The following TTC28 variants were observed in gnomAD, a reference collection of about 807,000 sequenced individuals.
TTC28 encodes tetratricopeptide repeat protein 28.
In TTC28, 61 loss-of-function variants were observed where a neutral mutation model predicts 198.0. The ratio of observed to expected loss-of-function variants is 0.31; its 90% CI spans 0.25 to 0.38. The LOEUF is 0.38. Among genes scored for constraint, TTC28 ranks in the 10% least tolerant of loss-of-function variants. The probability of loss-of-function intolerance (pLI) is 1.00; values close to 1 mark genes in which losing one functional copy is unlikely to be tolerated. For missense variants in TTC28, 2,678 were observed against 3,164.0 expected, an observed-to-expected ratio of 0.85 and a Z score of 3.69; for synonymous variants, 1,171 against 1,297.8, an observed-to-expected ratio of 0.90 and a Z score of 2.10.
intron 5 of TTC28, among the ~76,000 whole-genome samples, chr22:28,206,996 A>ACATTTCAACAAGTAATT (rs1227993699): frequency 6.6e-6 from 1 of 152,176 alleles, no homozygotes; most frequent in African/African-American, 2.4e-5. Context: ...ATTCATTCCA[A>ACATTTCAACAAGTAATT]CATTTCAACA....
At chr22:28,457,680 T>G (rs1258839347) in intron 2 of TTC28, among the ~76,000 whole-genome samples, 1 of 152,210 alleles carries the variant, frequency 6.6e-6, no homozygotes, top group Non-Finnish European at 1.5e-5. Flanking sequence ...TACCATACTG[T>G]TTTAATTATT....
chr22:28,180,294 TCA>T (rs1923575891), intron 5 of TTC28, among the ~76,000 whole-genome samples: 1 of 152,164 alleles, frequency 6.6e-6, no homozygotes, highest in Non-Finnish European at 1.5e-5. Context: ...TACTCAATAG[TCA>T]CACAAAATTA....
intron 12 of TTC28, among the ~76,000 whole-genome samples, chr22:28,088,587 C>G (rs1448654483): frequency 1.3e-5 from 2 of 151,296 alleles, no homozygotes; most frequent in Non-Finnish European, 1.5e-5. Flanking sequence ...CAATACCATT[C>G]AGGACATAGG....
intron 5 of TTC28, among the ~76,000 whole-genome samples, chr22:28,272,744 C>T (rs1932170567): frequency 6.6e-6 from 1 of 152,142 alleles, no homozygotes; most frequent in South Asian, 2.1e-4. Flanking sequence ...GGGGAACTCA[C>T]AGAAACTTAG....
At chr22:28,551,718 G>T (rs1485917646) in intron 2 of TTC28, among the ~76,000 whole-genome samples, 1 of 152,022 alleles carries the variant, frequency 6.6e-6, no homozygotes, top group African/African-American at 2.4e-5. Flanking sequence ...AGCATAGAAG[G>T]GACATACTTT....
chr22:28,646,266 C>A (rs1175248293), intron 1 of TTC28, among the ~76,000 whole-genome samples: 1 of 152,286 alleles, frequency 6.6e-6, no homozygotes, highest in Non-Finnish European at 1.5e-5. Flanking sequence ...TGGCAACAAT[C>A]AAGCTGGGAA....
chr22:28,341,815 A>G (rs899023411), intron 2 of TTC28, among the ~76,000 whole-genome samples: 1 of 152,070 alleles, frequency 6.6e-6, no homozygotes, highest in South Asian at 2.1e-4. Context: ...TAAAATAAAA[A>G]AATAAAAATA....
At chr22:28,599,035 C>G (rs919916738) in intron 2 of TTC28, among the ~76,000 whole-genome samples, 2 of 152,198 alleles carry the variant, frequency 1.3e-5, no homozygotes, top group Admixed American at 6.5e-5. Flanking sequence ...AAGAATAAAA[C>G]TACTTCTCTG....
intron 5 of TTC28, among the ~76,000 whole-genome samples, chr22:28,247,106 C>T (rs1046825294): frequency 6.6e-6 from 1 of 152,130 alleles, no homozygotes; most frequent in South Asian, 2.1e-4. Context: ...CTTTCTAAGA[C>T]ACTACTTTTT....
At chr22:28,202,765 G>A (rs1228012369) in intron 5 of TTC28, among the ~76,000 whole-genome samples, 1 of 151,978 alleles carries the variant, frequency 6.6e-6, no homozygotes, top group Non-Finnish European at 1.5e-5. Context: ...GGTAATTTAG[G>A]CCTGGTTTTG....
At chr22:28,101,826 A>T (rs5997332) in intron 8 of TTC28, among the ~76,000 whole-genome samples, 57 of 150,642 alleles carry the variant, frequency 3.8e-4, no homozygotes, top group African/African-American at 1.3e-3. Context: ...TACTAACAAC[A>T]CAGCTAGATA....
intron 1 of TTC28, among the ~76,000 whole-genome samples, chr22:28,644,377 C>T (rs1411620401): frequency 2.2e-5 from 3 of 139,416 alleles, no homozygotes; most frequent in Middle Eastern, 3.5e-3. Flanking sequence ...CCAGCCTGGG[C>T]GACAGAGCAA....
In TTC28 at chr22:28,245,496, A is replaced by C. The variant is rs372560728; in HGVS notation, c.933+50702T>G. ...TGAATCTAAGGTCACACTGTTAATA[A>C]ATGGTATACTCAGAACTTAAATCCT... On this transcript the variant is annotated intron_variant, in intron 5 of 22. Transcript: ENST00000397906. 7.2e-5 allele frequency among the ~76,000 whole-genome samples: 11 copies of C among 152,256 alleles called. No homozygotes were observed. In the East Asian group the frequency reaches 2.1e-3, roughly 29 times the overall value.
chr22:28,349,842 T>C (rs1288174085), intron 2 of TTC28, among the ~76,000 whole-genome samples: 1 of 152,226 alleles, frequency 6.6e-6, no homozygotes, highest in Non-Finnish European at 1.5e-5. Context: ...ATTAACTTTA[T>C]ACTAACAAGT....
intron 12 of TTC28, among the ~76,000 whole-genome samples, chr22:28,088,134 A>G (rs367918980): frequency 6.6e-6 from 1 of 151,946 alleles, no homozygotes; most frequent in African/African-American, 2.4e-5. Flanking sequence ...GCTACCAATG[A>G]CTTTCTTCAC....
At chr22:28,345,664 A>G (rs1435922587) in intron 2 of TTC28, among the ~76,000 whole-genome samples, 1 of 152,228 alleles carries the variant, frequency 6.6e-6, no homozygotes, top group Non-Finnish European at 1.5e-5. Context: ...AAATATTTCT[A>G]ATGAGGCTCA....
chr22:28,235,067 T>C (rs1304752088), intron 5 of TTC28, among the ~76,000 whole-genome samples: 2 of 152,194 alleles, frequency 1.3e-5, no homozygotes, highest in Admixed American at 1.3e-4. Context: ...CCCTCTCATA[T>C]GGCAGTTGGG....
At chr22:28,091,060 A>G (rs1169300618) in intron 12 of TTC28, among the ~76,000 whole-genome samples, 1 of 152,234 alleles carries the variant, frequency 6.6e-6, no homozygotes, top group Non-Finnish European at 1.5e-5. Context: ...CTCTCTGTAT[A>G]GAGCAGAGGG....
chr22:28,341,637 C>G (rs1488097989), intron 2 of TTC28, among the ~76,000 whole-genome samples: 1 of 151,726 alleles, frequency 6.6e-6, no homozygotes, highest in Non-Finnish European at 1.5e-5. Flanking sequence ...ACTAAAAATA[C>G]AAAAATTAGC....
Sources: gnomAD v4.1 joint callset for allele counts (sites outside exome capture counted in the v4.1 genomes callset) on GRCh38, gnomAD v4.1.1 for gene constraint, MANE v1.5 for transcripts, NCBI Gene and HGNC (gene_info 2026-07-23, HGNC 2026-07-21) for gene names.